PRDM11: variants seen among roughly 807,000 people sequenced by gnomAD.
PRDM11 encodes the protein PR/SET domain 11.
In PRDM11, 20 loss-of-function variants were observed where a neutral mutation model predicts 97.8. The ratio of observed to expected loss-of-function variants is 0.20; its 90% CI spans 0.14 to 0.30. The LOEUF is 0.30. PRDM11 is among the 10% of genes least tolerant of loss of function. The probability of loss-of-function intolerance (pLI) is 1.00; values close to 1 mark genes in which losing one functional copy is unlikely to be tolerated. For missense variants in PRDM11, 1,139 were observed against 1,555.2 expected, an observed-to-expected ratio of 0.73 and a Z score of 4.50; for synonymous variants, 599 against 637.7, an observed-to-expected ratio of 0.94 and a Z score of 0.91.
chr11:45,232,707 TCTC>T lies in PRDM11; in HGVS notation c.*4551_*4553del, dbSNP rs1854422074. The T allele has an allele frequency of 6.6e-6, 1 of 152,374 alleles. No homozygotes were observed. Among genetic ancestry groups the T allele is most frequent in the East Asian group, 1.9e-4 (1 of 5,178 alleles). 9.4% of individuals were successfully genotyped at this position (152,374 alleles called of 1,614,324 possible). A position where few individuals can be genotyped will look rare whatever the true frequency, so the allele number is the denominator to read the frequency against. On this transcript the variant is annotated 3_prime_UTR_variant, in exon 8 of 8. Transcript: ENST00000683152. ...GGACCCAAGAGACTGGCACGGCCCTTCTCCTGCTTGGAGGGAAACCCATCTCCC... is the reference window on the plus strand; with the variant it reads ...GGACCCAAGAGACTGGCACGGCCCTTCTGCTTGGAGGGAAACCCATCTCCC...
chr11:45,107,548 A>G (rs1199417371), intron 1 of PRDM11, among the ~76,000 whole-genome samples: 1 of 152,084 alleles, frequency 6.6e-6, no homozygotes, highest in Non-Finnish European at 1.5e-5. Flanking sequence ...GATGGGGTGC[A>G]GTGGGAAAGC....
upstream of PRDM11, among the ~76,000 whole-genome samples, chr11:45,144,964 T>A (rs1048106638): frequency 6.6e-6 from 1 of 152,140 alleles, no homozygotes; most frequent in African/African-American, 2.4e-5. Context: ...GATCTTGTCA[T>A]TCTAATCGTG....
intron 1 of PRDM11, among the ~76,000 whole-genome samples, chr11:45,103,275 T>C (rs947448206): frequency 2.0e-5 from 3 of 152,138 alleles, no homozygotes; most frequent in Admixed American, 2.0e-4. Flanking sequence ...GACTCTGCAG[T>C]TGGTCCTTTG....
intron 4 of PRDM11, 135 bp from the exon 5 acceptor site, chr11:45,204,576 G>A (rs1402443042): frequency 3.9e-6 from 3 of 764,888 alleles, no homozygotes; most frequent in Non-Finnish European, 6.8e-6. Context: ...TTTCAGTTCT[G>A]TAGCAGTGGT....
chr11:45,127,066 T>C (rs1404522783), intron 1 of PRDM11, among the ~76,000 whole-genome samples: 1 of 152,204 alleles, frequency 6.6e-6, no homozygotes, highest in African/African-American at 2.4e-5. Context: ...AAACTTCCCT[T>C]CTCGCTTCAT....
Position 45,224,431 on chromosome 11 carries a change from A to G in PRDM11, c.957A>G (p.Glu319=). Residue 319 remains glutamate (E), a synonymous_variant, in exon 7 of 8, where the codon GAA becomes GAG. Coordinates refer to ENST00000683152, the MANE Select transcript of PRDM11 (RefSeq NM_001384648.1). ...LEASLESAKV[E]AHQLALSTSL... ...CCTCACTGGAATCTGCGAAGGTGGA[A>G]GCCCACCAGTTGGCCCTGAGCACCT... 1 of 1,614,234 alleles carries G rather than the reference A, an allele frequency of 6.2e-7. No homozygotes were observed. Among genetic ancestry groups the G allele is most frequent in the Non-Finnish European group, 8.5e-7 (1 of 1,180,044 alleles).
chr11:45,147,011 T>TCGGCGCGGGCGCGGGGCGGGGGTCCGGA (rs1851526991), intron 1 of PRDM11, 134 bp downstream of exon 1: 1 of 139,670 alleles, frequency 7.2e-6, no homozygotes, highest in Non-Finnish European at 1.6e-5. Flanking sequence ...GCCGGGGGTC[T>TCGGCGCGGGCGCGGGGCGGGGGTCCGGA]CGGCGCGGGC....
intron 1 of PRDM11, among the ~76,000 whole-genome samples, chr11:45,168,930 C>T (rs1372656462): frequency 6.6e-6 from 1 of 152,198 alleles, no homozygotes; most frequent in Non-Finnish European, 1.5e-5. Flanking sequence ...CCCCCTTCTC[C>T]CCAATTCTTA....
At chr11:45,105,500 A>G (rs1480519083) in intron 1 of PRDM11, among the ~76,000 whole-genome samples, 1 of 152,228 alleles carries the variant, frequency 6.6e-6, no homozygotes, top group African/African-American at 2.4e-5. Flanking sequence ...GGGGAACCAC[A>G]GGTGCTCAGG....
chr11:45,095,757 A>G (rs1163141346), upstream of PRDM11: 5 of 703,276 alleles, frequency 7.1e-6, no homozygotes, highest in Non-Finnish European at 1.3e-5. Context: ...GGCCGCAGAT[A>G]CGATGGCTAC....
At chr11:45,180,776 C>T (rs1852462347) in intron 1 of PRDM11, among the ~76,000 whole-genome samples, 1 of 150,426 alleles carries the variant, frequency 6.6e-6, no homozygotes, top group Non-Finnish European at 1.5e-5. Flanking sequence ...CCGCCCCGGC[C>T]GCAGCCTACA....
chr11:45,217,486 G>A (rs1200644659), intron 5 of PRDM11, among the ~76,000 whole-genome samples: 1 of 152,032 alleles, frequency 6.6e-6, no homozygotes, highest in African/African-American at 2.4e-5. Context: ...TCTAAGCACC[G>A]TAAATCTTGC....
At chr11:45,201,705 T>A (rs1473300730) in intron 4 of PRDM11, among the ~76,000 whole-genome samples, 1 of 152,114 alleles carries the variant, frequency 6.6e-6, no homozygotes, top group Non-Finnish European at 1.5e-5. Flanking sequence ...CAGTGGCTCA[T>A]GCCTGTAATC....
rs114874430 is a variant in PRDM11 at position 45,121,259 on chromosome 11, G to A, written c.96+25358G>A. Among the ~76,000 whole-genome samples, 922 of 152,212 alleles carry A rather than the reference G, an allele frequency of 6.1e-3. 13 individuals are homozygous for A. Among genetic ancestry groups the A allele is most frequent in the African/African-American group, 0.021 (869 of 41,542 alleles). On this transcript the variant is annotated intron_variant, in intron 1 of 6. Coordinates refer to the PRDM11 transcript ENST00000530656. Reference sequence around the variant, plus strand: ...CTAAAAAAACAAGATGCAAATATTAGTTGTTTATAAGAGATACACACAATA... The same window carrying A: ...CTAAAAAAACAAGATGCAAATATTAATTGTTTATAAGAGATACACACAATA...
At chr11:45,162,432 C>T (rs1851953906) in intron 1 of PRDM11, among the ~76,000 whole-genome samples, 1 of 152,108 alleles carries the variant, frequency 6.6e-6, no homozygotes, top group African/African-American at 2.4e-5. Context: ...AACCCACCTT[C>T]TAATTCTAGA....
At position 45,179,833 on chromosome 11, in the gene PRDM11, C is replaced by G. The variant is rs796704410; in HGVS notation, c.-6-1928C>G. Among the ~76,000 whole-genome samples the G allele has an allele frequency of 5.3e-5, 8 of 152,376 alleles. 1 individual carries two copies. Among genetic ancestry groups the G allele is most frequent in the African/African-American group, 1.9e-4 (8 of 41,588 alleles). On this transcript the variant is annotated intron_variant, in intron 1 of 7. Coordinates refer to ENST00000683152, the MANE Select transcript of PRDM11 (RefSeq NM_001384648.1). The stretch of plus-strand genomic sequence containing the variant: ...CAGTGGGATTTGAACTCAGGCACTG[C>G]CTGTCCAGTGCCCAGGCACCTAACC...
chr11:45,199,929 C>A (rs2135785193), intron 4 of PRDM11, among the ~76,000 whole-genome samples: 1 of 152,328 alleles, frequency 6.6e-6, no homozygotes, highest in South Asian at 2.1e-4. Flanking sequence ...AGGTCCAGGG[C>A]TGCAGCTCAG....
At chr11:45,122,198 CACAG>C (rs765813972) in intron 1 of PRDM11, among the ~76,000 whole-genome samples, 16,257 of 112,830 alleles carry the variant, frequency 0.14, 1,118 homozygotes, top group Admixed American at 0.28. Context: ...CAGACACACA[CACAG>C]ACACACACAC....
At position 45,227,113 on chromosome 11, in the gene PRDM11, G is replaced by A. The variant is rs941762725; in HGVS notation, c.2488G>A (p.Gly830Ser). Residue 830 changes from glycine (G) to serine (S), a missense_variant, in exon 8 of 8, where the codon GGC (glycine) becomes AGC (serine). Around this residue, in one of 2 missense-constraint regions of PRDM11, gnomAD observed 710 missense variants for 1,044.9 expected, o/e 0.68. Coordinates refer to ENST00000683152, the MANE Select transcript of PRDM11 (RefSeq NM_001384648.1). This position sits in a 1 kb window ranked among gnomAD's most constrained non-coding sequence, Gnocchi z 8.0. ...GDIRAVRWII[G>S]EQNVLNALIK... Reference sequence around the variant, plus strand: ...TATCCGGGCAGTGCGGTGGATCATCGGCGAGCAGAACGTCCTCAACGCTCT... The same window carrying A: ...TATCCGGGCAGTGCGGTGGATCATCAGCGAGCAGAACGTCCTCAACGCTCT... The A allele has an allele frequency of 1.0e-5, 16 of 1,533,940 alleles. No individual in the cohort carries two copies. Among genetic ancestry groups the A allele is most frequent in the African/African-American group, 4.1e-5 (3 of 73,100 alleles).
Sources: allele counts gnomAD v4.1 joint callset (sites outside exome capture counted in the v4.1 genomes callset), GRCh38; gene constraint gnomAD v4.1.1; regional missense constraint gnomAD v4.1.1; non-coding constraint Gnocchi (gnomAD v3.1); transcripts MANE v1.5; gene names NCBI Gene and HGNC (gene_info 2026-07-23, HGNC 2026-07-21).